NTNG1: variants seen among roughly 807,000 people sequenced by gnomAD.
NTNG1 encodes netrin-G1.
Under a neutral mutation model 54.0 loss-of-function variants are expected in NTNG1, and 16 were observed. That is an observed-to-expected ratio of 0.30 (90% CI 0.20 to 0.45). NTNG1 has a LOEUF of 0.45. Ranked by LOEUF, NTNG1 falls within the 20% of genes least tolerant of loss-of-function variation. The pLI is 1.00. For synonymous variants in NTNG1, 255 were observed against 263.1 expected (o/e 0.97, Z 0.30); for missense variants, 530 against 678.7 (o/e 0.78, Z 2.43).
At position 107,395,376 on chromosome 1, in the gene NTNG1, A is replaced by G. The variant is rs3762368; in HGVS notation, c.1060+50A>G. 4.7e-6 allele frequency: 7 copies of G among 1,491,714 alleles called. No individual in the cohort carries two copies. In the East Asian group the frequency reaches 6.8e-5, roughly 14 times the overall value. The allele number at this position is 1,491,714 out of a possible 1,614,324, so 92.4% of individuals were successfully genotyped here. On this transcript the variant is annotated intron_variant, in intron 4 of 7. Transcript: ENST00000370068. Reference sequence around the variant, plus strand: ...CATATTCTGTGCACCATGAGGTGATAGTTCCTCTCAATTTTGCTTACAATT... The same window carrying G: ...CATATTCTGTGCACCATGAGGTGATGGTTCCTCTCAATTTTGCTTACAATT...
At chr1:107,318,185 G>T (rs1186140868) in intron 2 of NTNG1, among the ~76,000 whole-genome samples, 1 of 152,096 alleles carries the variant, frequency 6.6e-6, no homozygotes, top group Non-Finnish European at 1.5e-5. Flanking sequence ...GCCTCTATAA[G>T]TAGTTTGATA....
chr1:107,311,631 G>A (rs577825829), intron 2 of NTNG1, among the ~76,000 whole-genome samples: 60 of 152,144 alleles, frequency 3.9e-4, no homozygotes, highest in African/African-American at 1.3e-3. Flanking sequence ...ACCAACCTAT[G>A]AGCAAATCCA....
intron 3 of NTNG1, among the ~76,000 whole-genome samples, chr1:107,342,991 T>C (rs1259270481): frequency 6.6e-6 from 1 of 152,146 alleles, no homozygotes; most frequent in Non-Finnish European, 1.5e-5. Context: ...TGAAATATCA[T>C]GGGTATCATC....
intron 7 of NTNG1, among the ~76,000 whole-genome samples, chr1:107,475,929 G>T (rs561786490): frequency 1.9e-4 from 29 of 152,252 alleles, no homozygotes; most frequent in African/African-American, 5.8e-4. Flanking sequence ...AAATCATCCA[G>T]CGTTGAGAAC....
intron 3 of NTNG1, among the ~76,000 whole-genome samples, chr1:107,364,865 C>T (rs1437712398): frequency 6.6e-6 from 1 of 152,114 alleles, no homozygotes; most frequent in East Asian, 1.9e-4. Flanking sequence ...CTCATATGCA[C>T]ATAATTGTTG....
chr1:107,282,542 G>A (rs1664932638), intron 2 of NTNG1, among the ~76,000 whole-genome samples: 1 of 152,056 alleles, frequency 6.6e-6, no homozygotes, highest in Non-Finnish European at 1.5e-5. Context: ...ATTCACTATT[G>A]CATAATCAGG....
Position 107,141,124 on chromosome 1 carries a change from C to CG in NTNG1, c.-537dup. 6.6e-6 allele frequency: 1 copy of CG among 152,444 alleles called. No homozygotes were observed. Among genetic ancestry groups the CG allele is most frequent in the Non-Finnish European group, 1.5e-5 (1 of 67,980 alleles). The allele number at this position is 152,444 out of a possible 1,614,324, so 9.4% of individuals were successfully genotyped here. ...GGGGCGACTTGCAGGAGGCTCCCCCCGGGGGCGGAGGCGAAGGTAATTAAG... is the reference window on the plus strand; with the variant it reads ...GGGGCGACTTGCAGGAGGCTCCCCCCGGGGGGCGGAGGCGAAGGTAATTAAG... On this transcript the variant is annotated 5_prime_UTR_variant, in exon 1 of 8. Transcript: ENST00000370068.
chr1:107,309,853 A>G (rs769506343), intron 2 of NTNG1, among the ~76,000 whole-genome samples: 6 of 152,142 alleles, frequency 3.9e-5, no homozygotes, highest in Admixed American at 3.3e-4. Flanking sequence ...ATTTAAACCT[A>G]TCTCCTACTA....
At chr1:107,239,406 A>G (rs1046703090) in intron 2 of NTNG1, among the ~76,000 whole-genome samples, 2 of 152,222 alleles carry the variant, frequency 1.3e-5, no homozygotes, top group Admixed American at 1.3e-4. Flanking sequence ...TTGAGTTTAA[A>G]TATCAGATCT....
intron 5 of NTNG1, among the ~76,000 whole-genome samples, chr1:107,427,977 T>G (rs1372073335): frequency 6.6e-6 from 1 of 152,172 alleles, no homozygotes; most frequent in Non-Finnish European, 1.5e-5. Context: ...GGAATGGGTC[T>G]TAAACTGTTG....
In NTNG1 at chr1:107,264,219, C is replaced by T. The variant is rs371884995; in HGVS notation, c.247-60063C>T. ...CCACACCCCCTCCCCTCACCACCAC[C>T]GTTTTTCCACCCTGGTGCACATTTT... On this transcript the variant is annotated intron_variant, in intron 2 of 7. Transcript: ENST00000370068. 3.0e-4 allele frequency among the ~76,000 whole-genome samples: 46 copies of T among 152,230 alleles called. No individual in the cohort carries two copies. The South Asian group carries it at 8.3e-3, about 27-fold the overall frequency.
chr1:107,442,689 G>A (rs1011236398), intron 7 of NTNG1, among the ~76,000 whole-genome samples: 11 of 152,146 alleles, frequency 7.2e-5, no homozygotes, highest in African/African-American at 2.4e-4. Context: ...GGAGGTTATA[G>A]TCCCACTAAA....
At chr1:107,398,814 T>G (rs1415597345) in intron 4 of NTNG1, among the ~76,000 whole-genome samples, 1 of 152,182 alleles carries the variant, frequency 6.6e-6, no homozygotes, top group Non-Finnish European at 1.5e-5. Context: ...TGGATGTCCT[T>G]TGAATTTTAT....
At chr1:107,321,968 T>C (rs1667684185) in intron 2 of NTNG1, among the ~76,000 whole-genome samples, 1 of 152,084 alleles carries the variant, frequency 6.6e-6, no homozygotes, top group Admixed American at 6.6e-5. Flanking sequence ...TCCTCTTCTG[T>C]AAGGTAGGGA....
chr1:107,147,897 A>G (rs961036368), intron 1 of NTNG1, among the ~76,000 whole-genome samples, 172 bp from the exon 2 acceptor site: 3 of 152,132 alleles, frequency 2.0e-5, no homozygotes, highest in Non-Finnish European at 2.9e-5. Flanking sequence ...ATTCTCCCCA[A>G]TGTGAATGAT....
intron 2 of NTNG1, among the ~76,000 whole-genome samples, chr1:107,186,260 CA>C (rs1414857500): frequency 3.3e-5 from 5 of 152,148 alleles, no homozygotes; most frequent in African/African-American, 1.2e-4. Context: ...GCCACCCAGT[CA>C]TGCAAAACAC....
intron 2 of NTNG1, among the ~76,000 whole-genome samples, chr1:107,254,256 T>C (rs1662792126): frequency 6.6e-6 from 1 of 152,182 alleles, no homozygotes; most frequent in African/African-American, 2.4e-5. Flanking sequence ...GATGATAAAA[T>C]TGAGTTAATA....
At chr1:107,195,128 T>C (rs1163670188) in intron 2 of NTNG1, among the ~76,000 whole-genome samples, 2 of 151,976 alleles carry the variant, frequency 1.3e-5, no homozygotes, top group African/African-American at 4.8e-5. Flanking sequence ...GTGAGGCAGA[T>C]TGGTGTTTAA....
intron 2 of NTNG1, among the ~76,000 whole-genome samples, chr1:107,278,709 A>T (rs1035817252): frequency 6.6e-5 from 10 of 152,226 alleles, no homozygotes; most frequent in African/African-American, 2.4e-4. Context: ...TGGGTGCAGC[A>T]TTATTTTCAC....
Sources: allele counts gnomAD v4.1 joint callset (sites outside exome capture counted in the v4.1 genomes callset), GRCh38; gene constraint gnomAD v4.1.1; transcripts MANE v1.5; gene names NCBI Gene and HGNC (gene_info 2026-07-23, HGNC 2026-07-21).